The following FHIT variants were observed in gnomAD, a reference collection of about 807,000 sequenced individuals.
The protein encoded by FHIT is fragile histidine triad diadenosine triphosphatase, also known as bis(5'-adenosyl)-triphosphatase.
Under a neutral mutation model 17.9 loss-of-function variants are expected in FHIT, and 19 were observed. The observed-to-expected ratio is 1.06, with a 90% CI of 0.74 to 1.56. The LOEUF (loss-of-function observed/expected upper bound fraction) is 1.56. FHIT is among the 40% of genes most tolerant of loss of function. The pLI is 0.00. For missense variants in FHIT, 248 were observed against 189.2 expected (o/e 1.31, Z -1.82); for synonymous variants, 81 against 69.7 (o/e 1.16, Z -0.81).
At chr3:61,011,217 T>C (rs1318263500) in intron 3 of FHIT, among the ~76,000 whole-genome samples, 2 of 152,200 alleles carry the variant, frequency 1.3e-5, no homozygotes, top group Admixed American at 6.5e-5. Context: ...AATTCCACAA[T>C]GTTGAACCTG....
At chr3:59,788,205 A>G (rs1039851119) in intron 8 of FHIT, among the ~76,000 whole-genome samples, 2 of 152,062 alleles carry the variant, frequency 1.3e-5, no homozygotes, top group Non-Finnish European at 2.9e-5. Flanking sequence ...TCACTTTTTC[A>G]TGGCCAGTAG....
At chr3:60,784,335 G>T (rs576118945) in intron 4 of FHIT, among the ~76,000 whole-genome samples, 2 of 140,124 alleles carry the variant, frequency 1.4e-5, no homozygotes, top group South Asian at 4.4e-4. Flanking sequence ...TTTCCTTCCA[G>T]GTTCTTTTTT....
intron 3 of FHIT, among the ~76,000 whole-genome samples, chr3:60,933,976 T>G (rs1351502005): frequency 6.6e-6 from 1 of 152,164 alleles, no homozygotes; most frequent in Non-Finnish European, 1.5e-5. Context: ...GAATGGCTTG[T>G]GGAAGGGCAT....
chr3:60,864,777 T>A (rs1553753504), intron 3 of FHIT, among the ~76,000 whole-genome samples: 1 of 152,150 alleles, frequency 6.6e-6, no homozygotes, highest in Non-Finnish European at 1.5e-5. Context: ...GGGATATTAG[T>A]GGACACTCTT....
At chr3:61,118,067 G>A (rs73112325) in intron 2 of FHIT, among the ~76,000 whole-genome samples, 8,148 of 151,988 alleles carry the variant, frequency 0.054, 372 homozygotes, top group East Asian at 0.24. Flanking sequence ...CAGGAAGGAG[G>A]GGAAAAAACA....
intron 3 of FHIT, among the ~76,000 whole-genome samples, chr3:60,851,698 A>G (rs1245844904): frequency 6.6e-6 from 1 of 152,150 alleles, no homozygotes; most frequent in Non-Finnish European, 1.5e-5. Context: ...GAACTTTATC[A>G]TGTCACATAG....
chr3:60,521,190 A>T (rs1044448886), intron 5 of FHIT, among the ~76,000 whole-genome samples: 8 of 151,948 alleles, frequency 5.3e-5, no homozygotes, highest in African/African-American at 1.7e-4. Flanking sequence ...CCATTCCAAG[A>T]CCCATGCTCT....
At chr3:61,183,479 C>T (rs1217515664) in intron 2 of FHIT, among the ~76,000 whole-genome samples, 4 of 152,180 alleles carry the variant, frequency 2.6e-5, no homozygotes, top group Middle Eastern at 3.2e-3. Context: ...GGTTCTTCTC[C>T]CCTTGCCTGA....
chr3:60,465,082 C>A (rs2032709537), intron 5 of FHIT, among the ~76,000 whole-genome samples: 1 of 151,896 alleles, frequency 6.6e-6, no homozygotes, highest in African/African-American at 2.4e-5. Flanking sequence ...GCCATTTTAA[C>A]TGGGATATTA....
chr3:60,794,939 A>G (rs187301449), intron 4 of FHIT, among the ~76,000 whole-genome samples: 123 of 152,336 alleles, frequency 8.1e-4, no homozygotes, highest in Admixed American at 2.9e-3. Flanking sequence ...GGGCATGAGT[A>G]AAAAAGTATC....
At chr3:60,480,977 C>T (rs144478004) in intron 5 of FHIT, among the ~76,000 whole-genome samples, 134 of 152,338 alleles carry the variant, frequency 8.8e-4, no homozygotes, top group Middle Eastern at 6.8e-3. Context: ...GGGGTGCCAA[C>T]CCCACATTTC....
In FHIT at chr3:61,224,481, A is replaced by G. The variant is rs946857492; in HGVS notation, c.-212-23816T>C. On this transcript the variant is annotated intron_variant, in intron 1 of 9. Transcript: ENST00000492590. Reference sequence around the variant, plus strand: ...GCCCAGGCTGGAATGCAACGATATGATCTCGGCTCACTCTGCCTCCCGGGT... The same window carrying G: ...GCCCAGGCTGGAATGCAACGATATGGTCTCGGCTCACTCTGCCTCCCGGGT... 5.9e-5 allele frequency among the ~76,000 whole-genome samples: 9 copies of G among 152,090 alleles called. No homozygotes were observed. In the South Asian group the frequency reaches 1.9e-3, roughly 31 times the overall value.
At chr3:60,951,278 A>C (rs1708873971) in intron 3 of FHIT, among the ~76,000 whole-genome samples, 1 of 152,246 alleles carries the variant, frequency 6.6e-6, no homozygotes. Flanking sequence ...CAGGCAAAGA[A>C]GACATGCCAA....
At chr3:60,245,233 C>T (rs1173284579) in intron 5 of FHIT, among the ~76,000 whole-genome samples, 1 of 151,914 alleles carries the variant, frequency 6.6e-6, no homozygotes, top group African/African-American at 2.4e-5. Context: ...GTATGTTGGC[C>T]CACTTTTAAT....
At chr3:61,242,237 A>C (rs2040389971) in intron 1 of FHIT, among the ~76,000 whole-genome samples, 1 of 151,940 alleles carries the variant, frequency 6.6e-6, no homozygotes, top group African/African-American at 2.4e-5. Flanking sequence ...CTTTGGCATA[A>C]GGGTTATTTG....
At chr3:60,540,803 G>A (rs1030869193) in intron 4 of FHIT, among the ~76,000 whole-genome samples, 6 of 152,260 alleles carry the variant, frequency 3.9e-5, no homozygotes, top group Admixed American at 3.9e-4. Flanking sequence ...ACACATTTCA[G>A]GTACTAAAGA....
chr3:59,763,206 G>A, intron 8 of FHIT, among the ~76,000 whole-genome samples: 1 of 152,174 alleles, frequency 6.6e-6, no homozygotes, highest in Admixed American at 6.5e-5. Context: ...ATTTGCTTCT[G>A]CTACATATGG....
At chr3:60,631,364 A>G (rs541063999) in intron 4 of FHIT, among the ~76,000 whole-genome samples, 1 of 152,304 alleles carries the variant, frequency 6.6e-6, no homozygotes, top group Admixed American at 6.5e-5. Flanking sequence ...TTTTCCAGAG[A>G]GCCTAAAAAC....
intron 4 of FHIT, among the ~76,000 whole-genome samples, chr3:60,567,669 C>A (rs57551467): frequency 0.013 from 2,001 of 151,748 alleles, 33 homozygotes; most frequent in African/African-American, 0.044. Flanking sequence ...GTGAACAGGC[C>A]ACCTACAGAA....
Sources: gnomAD v4.1 joint callset for allele counts (sites outside exome capture counted in the v4.1 genomes callset) on GRCh38, gnomAD v4.1.1 for gene constraint, MANE v1.5 for transcripts, NCBI Gene and HGNC (gene_info 2026-07-23, HGNC 2026-07-21) for gene names.